FAAH2: variants seen among roughly 807,000 people sequenced by gnomAD.
The protein encoded by FAAH2 is fatty acid amide hydrolase 2.
Under a neutral mutation model 36.9 loss-of-function variants are expected in FAAH2, and 60 were observed. The ratio of observed to expected loss-of-function variants is 1.63; its 90% CI spans 1.32 to 2.02. The LOEUF (loss-of-function observed/expected upper bound fraction) is 2.02, where lower values mean the gene tolerates loss of function less well. FAAH2 is among the 30% of genes most tolerant of loss of function. FAAH2 has a pLI of 0.00. For synonymous variants in FAAH2, 214 were observed against 143.8 expected (o/e 1.49, Z -3.49); for missense variants, 689 against 397.5 (o/e 1.73, Z -6.23).
the FAAH2 span, among the ~76,000 whole-genome samples, chrX:57,171,668 G>A: frequency 4.5e-5 from 5 of 111,589 alleles, no homozygotes; most frequent in African/African-American, 1.6e-4. Context: ...TTAGTCTTCT[G>A]TCAGATGAAT....
intron 10 of FAAH2, among the ~76,000 whole-genome samples, chrX:57,483,279 C>T (rs942219775): frequency 9.0e-6 from 1 of 111,182 alleles, no homozygotes; most frequent in Non-Finnish European, 1.9e-5. Context: ...CTCTGAAATT[C>T]TTTCTTCTAC....
At chrX:57,381,279 T>C (rs1309237590) in intron 7 of FAAH2, among the ~76,000 whole-genome samples, 2 of 111,829 alleles carry the variant, frequency 1.8e-5, no homozygotes, top group Non-Finnish European at 3.8e-5. Context: ...CAGAGGTAAC[T>C]GTCATTAATA....
At chrX:57,243,116 C>T in the FAAH2 span, among the ~76,000 whole-genome samples, 1 of 111,690 alleles carries the variant, frequency 9.0e-6, no homozygotes, top group Non-Finnish European at 1.9e-5. Context: ...TTTCCAATCA[C>T]AGCATAAACA....
intron 3 of FAAH2, among the ~76,000 whole-genome samples, chrX:57,323,181 A>G (rs1239619656): frequency 9.0e-6 from 1 of 111,194 alleles, no homozygotes; most frequent in South Asian, 3.8e-4. Context: ...TTTTATGGCC[A>G]CATACTATTC....
At chrX:57,227,541 C>T in the FAAH2 span, among the ~76,000 whole-genome samples, 5 of 111,240 alleles carry the variant, frequency 4.5e-5, no homozygotes, top group Non-Finnish European at 7.5e-5. Flanking sequence ...GTGCCTGTTC[C>T]AGTGGAGGTG....
the FAAH2 span, among the ~76,000 whole-genome samples, chrX:57,276,812 G>A: frequency 2.7e-5 from 3 of 111,517 alleles, no homozygotes; most frequent in Admixed American, 2.9e-4. Context: ...CACAAATAAA[G>A]TAGAAAATCT....
chrX:57,439,549 G>T (rs1009830607), intron 8 of FAAH2, among the ~76,000 whole-genome samples: 2 of 111,220 alleles, frequency 1.8e-5, no homozygotes, highest in African/African-American at 6.5e-5. Context: ...CATTTTGTAG[G>T]TTGCCTGTTC....
chrX:57,203,453 C>A, the FAAH2 span, among the ~76,000 whole-genome samples: 1 of 111,870 alleles, frequency 8.9e-6, no homozygotes, highest in Admixed American at 9.4e-5. Context: ...GAACATGTCA[C>A]GGTGCTGCAG....
the FAAH2 span, among the ~76,000 whole-genome samples, chrX:57,205,367 G>C: frequency 1.8e-5 from 2 of 112,366 alleles, no homozygotes; most frequent in African/African-American, 6.5e-5. Flanking sequence ...TCAGTTAAAG[G>C]TCCTGGAAGA....
the FAAH2 span, among the ~76,000 whole-genome samples, chrX:57,125,113 C>T: frequency 8.9e-6 from 1 of 112,561 alleles, no homozygotes; most frequent in Non-Finnish European, 1.9e-5. Context: ...CCAGTTTTTG[C>T]CCATTCAGTA....
the FAAH2 span, among the ~76,000 whole-genome samples, chrX:57,191,501 C>T: frequency 9.0e-6 from 1 of 110,815 alleles, no homozygotes; most frequent in African/African-American, 3.3e-5. Context: ...TGATGTGATC[C>T]CATTTGTCCA....
chrX:57,414,581 G>A (rs1419436981), intron 7 of FAAH2, among the ~76,000 whole-genome samples: 7 of 111,380 alleles, frequency 6.3e-5, no homozygotes, highest in Non-Finnish European at 1.3e-4. Flanking sequence ...TGATTGTGGT[G>A]GATAAGCTTT....
the FAAH2 span, among the ~76,000 whole-genome samples, chrX:57,211,135 G>A: frequency 9.0e-6 from 1 of 111,691 alleles, no homozygotes; most frequent in Non-Finnish European, 1.9e-5. Flanking sequence ...CTGATAGATT[G>A]GAAGTCTCAA....
At position 57,378,693 on chromosome X, in the gene FAAH2, C is replaced by T; in HGVS notation, c.785C>T (p.Ala262Val). ...NKGQFPLAVGAQELFLCTGPM... is the reference protein window; with the variant it reads ...NKGQFPLAVGVQELFLCTGPM... ...GGTCAGTTTCCCTTGGCTGTGGGAG[C>T]CCAGGAGTTGTTTCTGTGCACTGGT... is the stretch of plus-strand genomic sequence containing the variant. The change falls in exon 6 of 11, where the codon GCC (alanine) becomes GTC (valine). Residue 262 changes from alanine to valine, a missense_variant. Physicochemically the swap from Ala to Val is moderately conservative, Grantham distance 64 (BLOSUM62 0). Transcript: ENST00000374900. 1 of 1,210,972 alleles carries T rather than the reference C, an allele frequency of 8.3e-7. No homozygotes were observed. The highest frequency in any genetic ancestry group is 1.1e-6 in the Non-Finnish European group (1 of 895,126).
intron 10 of FAAH2, among the ~76,000 whole-genome samples, chrX:57,449,123 T>C (rs1253568289): frequency 8.9e-6 from 1 of 112,143 alleles, no homozygotes; most frequent in Non-Finnish European, 1.9e-5. Context: ...AGGGATCATT[T>C]ACTTGACTTA....
chrX:57,298,885 T>A (rs1452993772), intron 2 of FAAH2, among the ~76,000 whole-genome samples: 1 of 108,313 alleles, frequency 9.2e-6, no homozygotes, highest in Non-Finnish European at 1.9e-5. Context: ...ACACCTACAC[T>A]GTCCCAAGAC....
chrX:57,482,630 A>T (rs1469071775), intron 10 of FAAH2, among the ~76,000 whole-genome samples: 1 of 105,735 alleles, frequency 9.5e-6, no homozygotes, highest in African/African-American at 3.5e-5. Context: ...TTCAGAAATC[A>T]TCCACCTTCT....
chrX:57,148,989 AG>A, the FAAH2 span, among the ~76,000 whole-genome samples: 1 of 111,904 alleles, frequency 8.9e-6, no homozygotes, highest in African/African-American at 3.2e-5. Context: ...ATTTTGTCAA[AG>A]GCCTTTTCTG....
At chrX:57,352,018 GTGTATATATATATATATACATATATATA>G (rs1312566531) in intron 5 of FAAH2, among the ~76,000 whole-genome samples, 21 of 13,369 alleles carry the variant, frequency 1.6e-3, no homozygotes, top group Non-Finnish European at 8.9e-3. Context: ...ATATGTGTGT[GTGTATATATATATATATACATATATATA>G]TGTGTATATA....
Sources: allele counts gnomAD v4.1 joint callset (sites outside exome capture counted in the v4.1 genomes callset), GRCh38; gene constraint gnomAD v4.1.1; transcripts MANE v1.5; gene names NCBI Gene and HGNC (gene_info 2026-07-23, HGNC 2026-07-21).